The following KCND3 variants were observed in gnomAD, a reference collection of about 807,000 sequenced individuals.
The protein encoded by KCND3 is A-type voltage-gated potassium channel KCND3.
KCND3 carries 9 observed loss-of-function variants against 51.1 expected under a neutral mutation model. That is an observed-to-expected ratio of 0.18 (90% CI 0.11 to 0.31). KCND3 has a LOEUF of 0.31. Among genes scored for constraint, KCND3 ranks in the 10% least tolerant of loss-of-function variants. The pLI is 1.00. For missense variants in KCND3, 526 were observed against 903.8 expected, an observed-to-expected ratio of 0.58 and a Z score of 5.36; for synonymous variants, 349 against 368.0, an observed-to-expected ratio of 0.95 and a Z score of 0.59.
At chr1:111,818,375 C>T (rs1380936142) in intron 2 of KCND3, among the ~76,000 whole-genome samples, 1 of 149,180 alleles carries the variant, frequency 6.7e-6, no homozygotes, top group South Asian at 2.1e-4. Context: ...TAACATCACA[C>T]GTCAGAGGCC....
intron 2 of KCND3, among the ~76,000 whole-genome samples, chr1:111,952,671 CAGAGGG>C (rs1474237364): frequency 1.3e-5 from 2 of 152,176 alleles, no homozygotes; most frequent in Non-Finnish European, 2.9e-5. Flanking sequence ...CACTCCTTCC[CAGAGGG>C]AGATGCCGAA....
chr1:111,887,522 A>G (rs1164365322), intron 2 of KCND3, among the ~76,000 whole-genome samples: 2 of 152,192 alleles, frequency 1.3e-5, no homozygotes, highest in Admixed American at 6.5e-5. Context: ...GGACTTAACA[A>G]TATTTCCAAA....
chr1:111,788,826 C>T (rs1390659082), intron 2 of KCND3, among the ~76,000 whole-genome samples: 4 of 152,148 alleles, frequency 2.6e-5, no homozygotes, highest in Non-Finnish European at 4.4e-5. Flanking sequence ...GCCTTAGTTT[C>T]GTTGTCTGTA....
chr1:111,893,344 G>A (rs1024016004), intron 2 of KCND3, among the ~76,000 whole-genome samples: 1 of 152,162 alleles, frequency 6.6e-6, no homozygotes, highest in Non-Finnish European at 1.5e-5. Context: ...ATGACTAGGA[G>A]TTTGCTGGGA....
At chr1:111,851,493 C>T (rs78122404) in intron 2 of KCND3, among the ~76,000 whole-genome samples, 3,746 of 152,252 alleles carry the variant, frequency 0.025, 175 homozygotes, top group African/African-American at 0.085. Flanking sequence ...TCCCTTCTGC[C>T]CCAAAACTCA....
chr1:111,852,380 C>T (rs553885503), intron 2 of KCND3, among the ~76,000 whole-genome samples: 1 of 152,210 alleles, frequency 6.6e-6, no homozygotes, highest in Admixed American at 6.5e-5. Context: ...GTGGGGAGTC[C>T]TTTTTGTGGG....
In KCND3 at chr1:111,982,114, C is replaced by A; in HGVS notation, c.613G>T (p.Val205Leu). 3.7e-6 allele frequency: 6 copies of A among 1,613,876 alleles called. No individual in the cohort carries two copies. The highest frequency in any genetic ancestry group is 5.1e-6 in the Non-Finnish European group (6 of 1,179,992). Residue 205 changes from valine (V) to leucine (L), a missense_variant, in exon 2 of 8, where the codon GTG becomes TTG. Physicochemically the swap from Val to Leu is conservative, Grantham distance 32 (BLOSUM62 1). Around this residue, in one of 5 missense-constraint regions of KCND3, gnomAD observed 51 missense variants for 84.7 expected, o/e 0.60. Coordinates refer to ENST00000302127, the MANE Select transcript of KCND3 (RefSeq NM_001378969.1). This position sits in a 1 kb window ranked among gnomAD's most constrained non-coding sequence, Gnocchi z 8.5. ...VSVITNVVET[V>L]PCGTVPGSKE... ...CTGCCCGGGACCGTGCCGCACGGCACCGTCTCCACCACGTTGGTGATGACC... is the reference window on the plus strand; with the variant it reads ...CTGCCCGGGACCGTGCCGCACGGCAACGTCTCCACCACGTTGGTGATGACC...
intron 2 of KCND3, among the ~76,000 whole-genome samples, chr1:111,865,742 T>C (rs1172184969): frequency 2.0e-5 from 3 of 152,216 alleles, no homozygotes; most frequent in Non-Finnish European, 4.4e-5. Flanking sequence ...TCTTACTCTG[T>C]TGTCCAGGCT....
chr1:111,841,962 A>G (rs988973482), intron 2 of KCND3, among the ~76,000 whole-genome samples: 5 of 152,132 alleles, frequency 3.3e-5, no homozygotes, highest in African/African-American at 9.7e-5. Flanking sequence ...CTTCACTGAG[A>G]TATGTCATTT....
At chr1:111,802,828 G>A (rs1665378671) in intron 2 of KCND3, among the ~76,000 whole-genome samples, 1 of 152,218 alleles carries the variant, frequency 6.6e-6, no homozygotes, top group African/African-American at 2.4e-5. Flanking sequence ...AAACCCTGAA[G>A]AGCCCTTTCA....
At chr1:111,814,532 G>A (rs1348414046) in intron 2 of KCND3, among the ~76,000 whole-genome samples, 2 of 152,190 alleles carry the variant, frequency 1.3e-5, no homozygotes, top group Middle Eastern at 3.2e-3. Context: ...CTGGGTGCTC[G>A]GTAGATACAT....
chr1:111,826,030 T>C (rs1571699239), intron 2 of KCND3, among the ~76,000 whole-genome samples: 1 of 152,186 alleles, frequency 6.6e-6, no homozygotes, highest in East Asian at 1.9e-4. Context: ...AAGCCAAAAA[T>C]AGCTATCTAG....
chr1:111,931,906 C>T lies in KCND3; in HGVS notation c.1106+49715G>A, dbSNP rs138792960. Among the ~76,000 whole-genome samples, 124 of 152,290 alleles carry T rather than the reference C, an allele frequency of 8.1e-4. 1 individual carries two copies. The highest frequency in any genetic ancestry group is 2.9e-3 in the African/African-American group (119 of 41,540). Reference sequence around the variant, plus strand: ...ACCATGGTGGCAAATGCCCCTGCTCCGAGACTGTATTAGTTTCCCATTGCA... The same window carrying T: ...ACCATGGTGGCAAATGCCCCTGCTCTGAGACTGTATTAGTTTCCCATTGCA... On this transcript the variant is annotated intron_variant, in intron 2 of 7. Coordinates refer to ENST00000302127, the MANE Select transcript of KCND3 (RefSeq NM_001378969.1).
chr1:111,978,007 G>A (rs77914488), intron 2 of KCND3, among the ~76,000 whole-genome samples: 3,588 of 152,268 alleles, frequency 0.024, 99 homozygotes, highest in East Asian at 0.096. Flanking sequence ...GGGAAACCTG[G>A]GCAAAGCATA....
At chr1:111,927,809 A>C (rs1284211962) in intron 2 of KCND3, among the ~76,000 whole-genome samples, 1 of 152,218 alleles carries the variant, frequency 6.6e-6, no homozygotes, top group Non-Finnish European at 1.5e-5. Context: ...TAAACATGAC[A>C]GCAGGAGGGT....
intron 3 of KCND3, among the ~76,000 whole-genome samples, chr1:111,781,857 T>C (rs1183443636): frequency 6.6e-6 from 1 of 152,176 alleles, no homozygotes; most frequent in Non-Finnish European, 1.5e-5. Context: ...ATTGTCACTA[T>C]GACAGTAGCA....
intron 2 of KCND3, among the ~76,000 whole-genome samples, chr1:111,940,795 C>A (rs1165431401): frequency 6.6e-6 from 1 of 152,194 alleles, no homozygotes; most frequent in Non-Finnish European, 1.5e-5. Context: ...GACATCAGAG[C>A]CTCTGGTGTG....
chr1:111,967,163 A>C (rs1296645204), intron 2 of KCND3, among the ~76,000 whole-genome samples: 4 of 151,560 alleles, frequency 2.6e-5, no homozygotes, highest in Non-Finnish European at 4.4e-5. Context: ...ACAAAAACAA[A>C]AAAAAAAACA....
At chr1:111,978,356 G>C (rs1044204363) in intron 2 of KCND3, among the ~76,000 whole-genome samples, 2 of 152,236 alleles carry the variant, frequency 1.3e-5, no homozygotes, top group Admixed American at 1.3e-4. Flanking sequence ...CCAGGGAAGG[G>C]AGTGTCTGGA....
Sources: allele counts gnomAD v4.1 joint callset (sites outside exome capture counted in the v4.1 genomes callset), GRCh38; gene constraint gnomAD v4.1.1; regional missense constraint gnomAD v4.1.1; non-coding constraint Gnocchi (gnomAD v3.1); transcripts MANE v1.5; gene names NCBI Gene and HGNC (gene_info 2026-07-23, HGNC 2026-07-21).